Variants in CHD8 observed in about 807,000 individuals in gnomAD.
CHD8 encodes ATP-dependent chromatin remodeler CHD8.
CHD8 carries 31 observed loss-of-function variants against 279.2 expected under a neutral mutation model. The observed-to-expected ratio is 0.11, with a 90% confidence interval of 0.08 to 0.15. The LOEUF (loss-of-function observed/expected upper bound fraction) is 0.15. Ranked by LOEUF, CHD8 falls within the 10% of genes least tolerant of loss-of-function variation. The probability of loss-of-function intolerance (pLI) is 1.00; values close to 1 mark genes in which losing one functional copy is unlikely to be tolerated. For synonymous variants in CHD8, 1,081 were observed against 1,139.6 expected (o/e 0.95, Z 1.04); for missense variants, 2,146 against 3,230.5 (o/e 0.66, Z 8.14).
intron 26 of CHD8, 25 bp from the exon 27 acceptor site, chr14:21,397,977 A>G: frequency 6.3e-7 from 1 of 1,585,124 alleles, no homozygotes; most frequent in South Asian, 1.1e-5. Context: ...GTCATAGTTG[A>G]AGAAAATGAG....
At chr14:21,432,728 A>G (rs1258949996) in intron 1 of CHD8, among the ~76,000 whole-genome samples, 1 of 152,138 alleles carries the variant, frequency 6.6e-6, no homozygotes, top group Non-Finnish European at 1.5e-5. Flanking sequence ...AAGGTCTTCT[A>G]CTCCATTAAG....
At chr14:21,453,830 A>T (rs1244869582) in intron 1 of CHD8, among the ~76,000 whole-genome samples, 1 of 151,882 alleles carries the variant, frequency 6.6e-6, no homozygotes, top group Non-Finnish European at 1.5e-5. Context: ...TTCAGTAAGC[A>T]AACACAGTTT....
At position 21,415,901 on chromosome 14, in the gene CHD8, G is replaced by A; in HGVS notation, c.1723C>T (p.Arg575Cys). 6.2e-7 allele frequency: 1 copy of A among 1,612,908 alleles called. No individual in the cohort carries two copies. The highest frequency in any genetic ancestry group is 8.5e-7 in the Non-Finnish European group (1 of 1,179,458). The change falls in exon 6 of 38, where the codon CGC (arginine) becomes TGC (cysteine). Residue 575 changes from arginine to cysteine, a missense_variant. Transcript: ENST00000646647. ...TTTCGCTTAACTTGGCGGTTTGAGC[G>A]TCTCTTCTGTAGAGCAAAAAGTAGT... Reference protein sequence around the residue: ...EDEESSIQKRRSNRQVKRKKY... With the variant: ...EDEESSIQKRCSNRQVKRKKY...
In CHD8 at chr14:21,400,961, C is replaced by T. The variant is rs1381236214; in HGVS notation, c.4284G>A (p.Glu1428=). ...EFSDLESEDD[E]RPRSRRHDRH... ...GGTCATGTCTGCGGGAGCGTGGCCGCTCATCATCCTCACTTTCCAAATCAG... is the reference window on the plus strand; with the variant it reads ...GGTCATGTCTGCGGGAGCGTGGCCGTTCATCATCCTCACTTTCCAAATCAG... The change falls in exon 22 of 38, where the codon GAG becomes GAA. Residue 1428 remains glutamate (E), a synonymous_variant. Transcript: ENST00000646647. This position sits in a 1 kb window ranked among gnomAD's most constrained non-coding sequence, Gnocchi z 4.2. 2 of 1,613,898 alleles carry T rather than the reference C, an allele frequency of 1.2e-6. No individual in the cohort carries two copies. Among genetic ancestry groups the T allele is most frequent in the African/African-American group, 2.7e-5 (2 of 74,956 alleles).
intron 1 of CHD8, among the ~76,000 whole-genome samples, chr14:21,449,377 T>A (rs894090747): frequency 6.6e-6 from 1 of 152,184 alleles, no homozygotes; most frequent in Non-Finnish European, 1.5e-5. Flanking sequence ...TGGCACATAG[T>A]AGGCAAATAA....
Position 21,401,148 on chromosome 14 carries a change from C to G in CHD8, c.4174-77G>C, listed in dbSNP as rs956147150. 3.6e-6 allele frequency: 4 copies of G among 1,109,756 alleles called. No individual in the cohort carries two copies. The African/African-American group carries it at 6.4e-5, about 18-fold the overall frequency. The allele number at this position is 1,109,756 out of a possible 1,614,324, so 68.7% of individuals were successfully genotyped here. ...AAAAGAATAAGACAATTAGGGATTACAATAACATTGGATGTAACGTGTAGA... is the reference window on the plus strand; with the variant it reads ...AAAAGAATAAGACAATTAGGGATTAGAATAACATTGGATGTAACGTGTAGA... On this transcript the variant is annotated intron_variant, in intron 21 of 37. Transcript: ENST00000646647.
intron 5 of CHD8, among the ~76,000 whole-genome samples, chr14:21,424,731 A>G (rs1178096465): frequency 1.3e-5 from 2 of 152,290 alleles, no homozygotes; most frequent in South Asian, 2.1e-4. Context: ...TCGGCCTCCC[A>G]AAGTGCTGGG....
Position 21,400,013 on chromosome 14 carries a change from T to C in CHD8, c.4785A>G (p.Gln1595=). Residue 1595 remains glutamine, a synonymous_variant, in exon 25 of 38, where the codon CAA becomes CAG. Coordinates refer to ENST00000646647, the MANE Select transcript of CHD8 (RefSeq NM_001170629.2). This position sits in a 1 kb window ranked among gnomAD's most constrained non-coding sequence, Gnocchi z 4.2. ...TCGCACCCCCTAACACCTTTTCTGC[T>C]TGGTCTCCAATAACCTCCTGCCTCA... ...YYLRQEVIGD[Q]AEKVLGGAIA... The C allele has an allele frequency of 6.2e-7, 1 of 1,613,566 alleles. No homozygotes were observed. The highest frequency in any genetic ancestry group is 1.1e-5 in the South Asian group (1 of 91,084).
chr14:21,424,366 T>G (rs560853419), intron 5 of CHD8, among the ~76,000 whole-genome samples: 23 of 152,368 alleles, frequency 1.5e-4, no homozygotes, highest in Non-Finnish European at 2.8e-4. Flanking sequence ...TAATCTGTTT[T>G]TTCTTCTCCA....
chr14:21,389,510 C>G (rs945622598), intron 37 of CHD8, among the ~76,000 whole-genome samples: 8 of 152,098 alleles, frequency 5.3e-5, no homozygotes, highest in Admixed American at 1.3e-4. Context: ...ACTTGGGAGG[C>G]TGAGGCAAGA....
Position 21,403,145 on chromosome 14 carries a change from T to C in CHD8, c.3586A>G (p.Ser1196Gly). ...ACAAAGCGGTCTGAGTCAGGCTTGCTGAAGCGGTCAATGGCAGCCTGTCGA... is the reference window on the plus strand; with the variant it reads ...ACAAAGCGGTCTGAGTCAGGCTTGCCGAAGCGGTCAATGGCAGCCTGTCGA... ...NLRQAAIDRF[S>G]KPDSDRFVFL... Residue 1196 changes from serine (S) to glycine (G), a missense_variant, in exon 18 of 38, where the codon AGC becomes GGC. Physicochemically the swap from Ser to Gly is moderately conservative, Grantham distance 56. This residue lies in a region of CHD8 where 48 missense variants were observed against 135.7 expected (regional missense o/e 0.35). Coordinates refer to ENST00000646647, the MANE Select transcript of CHD8 (RefSeq NM_001170629.2). The surrounding 1 kb of genome is among the most constrained non-coding windows in gnomAD (Gnocchi z 4.3). 1.2e-6 allele frequency: 2 copies of C among 1,614,030 alleles called. No individual in the cohort carries two copies. The highest frequency in any genetic ancestry group is 3.3e-5 in the Admixed American group (2 of 60,026).
Position 21,405,940 on chromosome 14 carries a change from C to G in CHD8, c.2908-76G>C, listed in dbSNP as rs1888236270. The G allele has an allele frequency of 9.0e-7, 1 of 1,116,304 alleles. No homozygotes were observed. Among genetic ancestry groups the G allele is most frequent in the Admixed American group, 2.7e-5 (1 of 37,116 alleles). The allele number at this position is 1,116,304 out of a possible 1,614,324, so 69.1% of individuals were successfully genotyped here. A position where few individuals can be genotyped will look rare whatever the true frequency, so the allele number is the denominator to read the frequency against. On this transcript the variant is annotated intron_variant, in intron 14 of 37. Transcript: ENST00000646647. This position sits in a 1 kb window ranked among gnomAD's most constrained non-coding sequence, Gnocchi z 4.2. ...TGGGGTTTCCTATCAAGTATATAAT[C>G]TTTAACATATATAACCTTTAATTTC...
At chr14:21,439,307 C>T (rs1257935730) in intron 1 of CHD8, among the ~76,000 whole-genome samples, 1 of 152,180 alleles carries the variant, frequency 6.6e-6, no homozygotes, top group East Asian at 1.9e-4. Context: ...CACCTAATTA[C>T]CACTCCTGTA....
chr14:21,406,935 C>T lies in CHD8; in HGVS notation c.2828G>A (p.Arg943His), dbSNP rs773585104. ...DCPELREIEW[R>H]CVIIDEAHRL... The stretch of plus-strand genomic sequence containing the variant: ...ATGGGCTTCATCAATGATAACACAA[C>T]GCCATTCAATTTCACGAAGCTCAGG... The change falls in exon 14 of 38, where the codon CGT becomes CAT. Residue 943 changes from arginine to histidine, a missense_variant. Arg to His is a conservative substitution (Grantham distance 29). Coordinates refer to ENST00000646647, the MANE Select transcript of CHD8 (RefSeq NM_001170629.2). The T allele has an allele frequency of 5.6e-6, 9 of 1,613,014 alleles. No homozygotes were observed. Among genetic ancestry groups the T allele is most frequent in the Admixed American group, 1.7e-5 (1 of 59,832 alleles).
chr14:21,397,793 A>C (rs1266126213), intron 27 of CHD8, 30 bp downstream of exon 27: 12 of 1,606,314 alleles, frequency 7.5e-6, no homozygotes, highest in Non-Finnish European at 1.0e-5. Flanking sequence ...CACAAGTTAG[A>C]GTTTTAAAAG....
rs1458079411 is a variant in CHD8 at position 21,415,810 on chromosome 14, G to C, written c.1814C>G (p.Thr605Ser). 2 of 1,613,778 alleles carry C rather than the reference G, an allele frequency of 1.2e-6. No homozygotes were observed. Among genetic ancestry groups the C allele is most frequent in the Non-Finnish European group, 1.7e-6 (2 of 1,179,840 alleles). ...GATAGGCTCAGGTTTTATTGGACCA[G>C]TTACATCCACCTCTTCTTCTTCTTC... is the stretch of plus-strand genomic sequence containing the variant. The part of the protein sequence containing the change: ...DDEEEEEVDV[T>S]GPIKPEPILP... The change falls in exon 6 of 38, where the codon ACT becomes AGT. Residue 605 changes from threonine to serine, a missense_variant. Thr to Ser is a moderately conservative substitution (Grantham distance 58). This residue lies in a region of CHD8 where 123 missense variants were observed against 169.2 expected (regional missense o/e 0.73). Coordinates refer to ENST00000646647, the MANE Select transcript of CHD8 (RefSeq NM_001170629.2).
At chr14:21,426,331 A>G in intron 4 of CHD8, 89 bp from the exon 5 acceptor site, 1 of 667,686 alleles carries the variant, frequency 1.5e-6, no homozygotes, top group Non-Finnish European at 2.6e-6. Flanking sequence ...ATCACATACA[A>G]AACTTCCAGA....
chr14:21,404,432 C>T (rs1385481544), intron 16 of CHD8, among the ~76,000 whole-genome samples: 1 of 151,186 alleles, frequency 6.6e-6, no homozygotes, highest in African/African-American at 2.4e-5. Flanking sequence ...TTAAATCATC[C>T]TCAGATGTGT....
intron 33 of CHD8, 56 bp downstream of exon 33, chr14:21,393,050 T>C: frequency 6.5e-7 from 1 of 1,550,080 alleles, no homozygotes; most frequent in Non-Finnish European, 8.7e-7. Flanking sequence ...TCCCCGGATA[T>C]ACTGTTACAC....
Sources: gnomAD v4.1 joint callset for allele counts (sites outside exome capture counted in the v4.1 genomes callset) on GRCh38, gnomAD v4.1.1 for gene constraint, gnomAD v4.1.1 regional missense constraint, Gnocchi (gnomAD v3.1) non-coding constraint, MANE v1.5 for transcripts, NCBI Gene and HGNC (gene_info 2026-07-23, HGNC 2026-07-21) for gene names.